Variants in KAZN observed in about 807,000 individuals in gnomAD.
The protein encoded by KAZN is kazrin.
Under a neutral mutation model 87.4 loss-of-function variants are expected in KAZN, and 40 were observed. The ratio of observed to expected loss-of-function variants is 0.46; its 90% CI spans 0.36 to 0.60. The LOEUF (loss-of-function observed/expected upper bound fraction) is 0.60. Ranked by LOEUF, KAZN falls within the 20% of genes least tolerant of loss-of-function variation. KAZN has a pLI of 0.00. For synonymous variants in KAZN, 466 were observed against 458.3 expected (o/e 1.02, Z -0.22); for missense variants, 898 against 1,073.9 (o/e 0.84, Z 2.29).
intron 1 of KAZN, among the ~76,000 whole-genome samples, chr1:13,966,929 A>G (rs929326438): frequency 6.6e-6 from 1 of 152,252 alleles, no homozygotes; most frequent in East Asian, 1.9e-4. Flanking sequence ...ACCATACAGT[A>G]CTATTGGACA....
At chr1:14,069,416 T>A (rs573268751) in intron 1 of KAZN, among the ~76,000 whole-genome samples, 1 of 152,354 alleles carries the variant, frequency 6.6e-6, no homozygotes, top group Non-Finnish European at 1.5e-5. Flanking sequence ...TTTCATGCAC[T>A]GTGCGCTGGG....
intron 1 of KAZN, among the ~76,000 whole-genome samples, chr1:14,045,422 C>G (rs1642023145): frequency 6.6e-6 from 1 of 152,206 alleles, no homozygotes; most frequent in Non-Finnish European, 1.5e-5. Context: ...CAAGCTCTGT[C>G]ATTTGCTAAT....
At chr1:14,526,981 C>A (rs557052558) in intron 2 of KAZN, among the ~76,000 whole-genome samples, 1 of 152,324 alleles carries the variant, frequency 6.6e-6, no homozygotes, top group South Asian at 2.1e-4. Flanking sequence ...AAATTCAATC[C>A]TCCTCTTATA....
intron 1 of KAZN, among the ~76,000 whole-genome samples, chr1:14,130,720 T>G (rs750109557): frequency 5.3e-5 from 8 of 152,202 alleles, no homozygotes; most frequent in Non-Finnish European, 7.3e-5. Flanking sequence ...TGTCTCTTTT[T>G]GGGACCTGAT....
At chr1:14,396,789 C>A (rs1229544490) in intron 2 of KAZN, among the ~76,000 whole-genome samples, 1 of 152,184 alleles carries the variant, frequency 6.6e-6, no homozygotes, top group Admixed American at 6.5e-5. Flanking sequence ...TTAAGCCATG[C>A]AGCCTGGATC....
intron 1 of KAZN, among the ~76,000 whole-genome samples, chr1:13,895,352 T>C (rs915831340): frequency 2.0e-5 from 3 of 152,202 alleles, no homozygotes; most frequent in African/African-American, 4.8e-5. Context: ...CTGAGGATCC[T>C]GTGGGAAGGC....
intron 1 of KAZN, among the ~76,000 whole-genome samples, chr1:14,682,151 A>G (rs2148764576): frequency 6.6e-6 from 1 of 152,208 alleles, no homozygotes; most frequent in South Asian, 2.1e-4. Flanking sequence ...AGGCCCTGGC[A>G]TCCACCATTC....
At position 14,996,045 on chromosome 1, in the gene KAZN, C is replaced by T. The variant is rs4661557; in HGVS notation, c.418+35170C>T. On this transcript the variant is annotated intron_variant, in intron 2 of 14. Coordinates refer to ENST00000376030, the MANE Select transcript of KAZN (RefSeq NM_201628.3). The surrounding 1 kb of genome is among the most constrained non-coding windows in gnomAD (Gnocchi z 5.9). Reference sequence around the variant, plus strand: ...GACACCTAATGCCATCCTCAGCCCGCGGCCCTCTGTAGCCCCCAGCCCCTT... The same window carrying T: ...GACACCTAATGCCATCCTCAGCCCGTGGCCCTCTGTAGCCCCCAGCCCCTT... 0.076 allele frequency among the ~76,000 whole-genome samples: 11,545 copies of T among 152,168 alleles called. 645 individuals are homozygous for T. Among genetic ancestry groups the T allele is most frequent in the East Asian group, 0.24 (1,224 of 5,156 alleles).
chr1:14,278,538 C>G (rs955684165), intron 2 of KAZN, among the ~76,000 whole-genome samples: 2 of 152,036 alleles, frequency 1.3e-5, no homozygotes, highest in Admixed American at 6.5e-5. Flanking sequence ...AATCCACCTG[C>G]CTCAGCCTCC....
intron 1 of KAZN, among the ~76,000 whole-genome samples, chr1:14,908,067 A>C (rs1290010162): frequency 2.0e-5 from 3 of 152,214 alleles, no homozygotes; most frequent in African/African-American, 4.8e-5. Context: ...ACAAGCCAAG[A>C]GGCGGTTCTA....
chr1:14,579,790 A>C (rs929319438), intron 2 of KAZN, among the ~76,000 whole-genome samples: 3 of 152,094 alleles, frequency 2.0e-5, no homozygotes, highest in Non-Finnish European at 4.4e-5. Context: ...ATCCAGGGGG[A>C]CTCACATGGC....
At chr1:14,119,910 T>A (rs1017272115) in intron 1 of KAZN, among the ~76,000 whole-genome samples, 2 of 152,178 alleles carry the variant, frequency 1.3e-5, no homozygotes, top group African/African-American at 4.8e-5. Context: ...TTCTAAGGGC[T>A]TTATGTGTAC....
At chr1:14,786,927 C>T (rs754520841) in intron 1 of KAZN, among the ~76,000 whole-genome samples, 5 of 152,186 alleles carry the variant, frequency 3.3e-5, no homozygotes, top group South Asian at 2.1e-4. Flanking sequence ...TCTGAGCCAA[C>T]GAACAGCATA....
At chr1:14,002,845 C>T (rs1639859066) in intron 1 of KAZN, among the ~76,000 whole-genome samples, 1 of 152,084 alleles carries the variant, frequency 6.6e-6, no homozygotes, top group Non-Finnish European at 1.5e-5. Flanking sequence ...CCCAGCAAAC[C>T]CATTACTGAG....
intron 1 of KAZN, among the ~76,000 whole-genome samples, chr1:14,007,939 G>A (rs1489600646): frequency 2.6e-5 from 4 of 152,164 alleles, no homozygotes; most frequent in Admixed American, 6.5e-5. Context: ...TGTTGGTTCA[G>A]TTACGTCCTT....
At chr1:14,085,604 C>T (rs1643830470) in intron 1 of KAZN, among the ~76,000 whole-genome samples, 1 of 152,212 alleles carries the variant, frequency 6.6e-6, no homozygotes. Context: ...ATCAGGAGCT[C>T]ATTCCTTTCC....
At chr1:14,541,925 C>T (rs78983011) in intron 2 of KAZN, among the ~76,000 whole-genome samples, 2,893 of 152,302 alleles carry the variant, frequency 0.019, 36 homozygotes, top group Non-Finnish European at 0.029. Context: ...ACTTACTCGC[C>T]TTGACAGCCC....
At chr1:14,440,502 A>T (rs1666638141) in intron 2 of KAZN, among the ~76,000 whole-genome samples, 3 of 152,218 alleles carry the variant, frequency 2.0e-5, no homozygotes, top group Non-Finnish European at 4.4e-5. Flanking sequence ...CCTCGACAGG[A>T]ACCCCATCCT....
chr1:14,332,388 G>C (rs1014530955), intron 2 of KAZN, among the ~76,000 whole-genome samples: 1 of 152,162 alleles, frequency 6.6e-6, no homozygotes, highest in African/African-American at 2.4e-5. Context: ...CACCTTTGGG[G>C]ATAATGCTGA....
Sources: gnomAD v4.1 joint callset for allele counts (sites outside exome capture counted in the v4.1 genomes callset) on GRCh38, gnomAD v4.1.1 for gene constraint, Gnocchi (gnomAD v3.1) non-coding constraint, MANE v1.5 for transcripts, NCBI Gene and HGNC (gene_info 2026-07-23, HGNC 2026-07-21) for gene names.